TBC1D5: variants seen among roughly 807,000 people sequenced by gnomAD.
TBC1D5 encodes the protein TBC1 domain family, member 5.
Under a neutral mutation model 100.3 loss-of-function variants are expected in TBC1D5, and 75 were observed. The ratio of observed to expected loss-of-function variants is 0.75; its 90% confidence interval spans 0.62 to 0.91. The LOEUF is 0.91. Ranked by LOEUF, TBC1D5 falls within the 40% of genes least tolerant of loss-of-function variation. TBC1D5 has a pLI of 0.00. For synonymous variants in TBC1D5, 323 were observed against 325.6 expected (o/e 0.99, Z 0.09); for missense variants, 910 against 942.4 (o/e 0.97, Z 0.45).
rs114913498 is a variant in TBC1D5 at position 17,471,095 on chromosome 3, G to C, written c.97+37379C>G. 4.4e-3 allele frequency among the ~76,000 whole-genome samples: 667 copies of C among 152,230 alleles called. 1 individual carries two copies. Among genetic ancestry groups the C allele is most frequent in the African/African-American group, 0.015 (632 of 41,524 alleles). ...CACTATCACTCCAGTGAGAACATTA[G>C]AACATGAAGCCTAAAACCACTTTTC... is the stretch of plus-strand genomic sequence containing the variant. On this transcript the variant is annotated intron_variant, in intron 3 of 21. Transcript: ENST00000253692.
chr3:17,571,767 C>T (rs1249984270), intron 2 of TBC1D5, among the ~76,000 whole-genome samples: 16 of 152,014 alleles, frequency 1.1e-4, no homozygotes, highest in Admixed American at 9.2e-4. Flanking sequence ...AACTAAAACA[C>T]ATACATCCAC....
chr3:17,626,045 A>G (rs929631193), intron 1 of TBC1D5, among the ~76,000 whole-genome samples: 1 of 152,170 alleles, frequency 6.6e-6, no homozygotes, highest in Non-Finnish European at 1.5e-5. Flanking sequence ...CCAGATATAT[A>G]GCATTATGTG....
intron 12 of TBC1D5, among the ~76,000 whole-genome samples, chr3:17,374,093 A>G (rs930223132): frequency 5.9e-5 from 9 of 152,134 alleles, no homozygotes; most frequent in Non-Finnish European, 1.2e-4. Flanking sequence ...GTATGAATTC[A>G]ATAGCAACGC....
chr3:17,444,616 T>C (rs1207897396), intron 3 of TBC1D5, among the ~76,000 whole-genome samples: 1 of 151,970 alleles, frequency 6.6e-6, no homozygotes, highest in African/African-American at 2.4e-5. Flanking sequence ...AATTGGTTGA[T>C]CAAAAAGTAT....
Position 17,164,305 on chromosome 3 carries a change from C to T in TBC1D5, c.2094+2462G>A, listed in dbSNP as rs79417448. Reference sequence around the variant, plus strand: ...GTGTCACTAGGCAGGGGAGCCTGGCCCTTCTGCACTATCTTTTAGACATTA... The same window carrying T: ...GTGTCACTAGGCAGGGGAGCCTGGCTCTTCTGCACTATCTTTTAGACATTA... On this transcript the variant is annotated intron_variant, in intron 21 of 21. Coordinates refer to ENST00000253692, the Ensembl canonical transcript of TBC1D5. Among the ~76,000 whole-genome samples the T allele has an allele frequency of 3.2e-3, 481 of 152,298 alleles. 2 individuals are homozygous for T. Among genetic ancestry groups the T allele is most frequent in the African/African-American group, 0.011 (461 of 41,550 alleles).
chr3:17,693,746 G>A (rs747622706), intron 1 of TBC1D5, among the ~76,000 whole-genome samples: 13 of 152,342 alleles, frequency 8.5e-5, no homozygotes, highest in Admixed American at 2.0e-4. Context: ...CCAACACAGC[G>A]TTTGAGCTCT....
chr3:17,449,110 C>A (rs1389092976), intron 3 of TBC1D5, among the ~76,000 whole-genome samples: 1 of 152,176 alleles, frequency 6.6e-6, no homozygotes, highest in Non-Finnish European at 1.5e-5. Context: ...CATGGGGCAC[C>A]ACCTCACCTG....
Position 17,508,537 on chromosome 3 carries a change from G to A in TBC1D5, c.34C>T (p.Leu12=), listed in dbSNP as rs2095867940. 4.3e-6 allele frequency: 7 copies of A among 1,613,744 alleles called. No homozygotes were observed. The East Asian group carries it at 1.6e-4, about 36-fold the overall frequency. The change falls in exon 3 of 22, where the codon CTG becomes TTG. Residue 12 remains leucine, a synonymous_variant. Coordinates refer to ENST00000253692, the Ensembl canonical transcript of TBC1D5. ...CCTACTTCTTGTTCTTCTGGCTGCA[G>A]AGGATGTCTAGTTTCAGATAAGGAA...
intron 15 of TBC1D5, among the ~76,000 whole-genome samples, chr3:17,288,005 T>C (rs964036522): frequency 1.3e-5 from 2 of 152,230 alleles, no homozygotes; most frequent in African/African-American, 2.4e-5. Context: ...GAGAATTGTA[T>C]GTTTATATAC....
intron 2 of TBC1D5, among the ~76,000 whole-genome samples, chr3:17,602,616 A>G (rs949886939): frequency 2.1e-4 from 23 of 111,214 alleles, no homozygotes; most frequent in African/African-American, 8.2e-4. Flanking sequence ...TCTGTTGCCC[A>G]GGCTGGAGTG....
intron 2 of TBC1D5, among the ~76,000 whole-genome samples, chr3:17,531,126 T>C (rs889363120): frequency 6.6e-6 from 1 of 152,202 alleles, no homozygotes; most frequent in Admixed American, 6.5e-5. Flanking sequence ...GATAAGCAAC[T>C]TCAGGGAAGT....
intron 16 of TBC1D5, among the ~76,000 whole-genome samples, chr3:17,255,755 T>G (rs2077585443): frequency 6.6e-6 from 1 of 152,118 alleles, no homozygotes; most frequent in African/African-American, 2.4e-5. Context: ...AAATAAGATT[T>G]AGGCCGGGCG....
chr3:17,661,310 T>C (rs950338657), intron 1 of TBC1D5, among the ~76,000 whole-genome samples: 2 of 152,140 alleles, frequency 1.3e-5, no homozygotes, highest in Non-Finnish European at 2.9e-5. Context: ...CACAGAATCT[T>C]CGAAGTATAT....
chr3:17,258,744 A>G (rs924875894), intron 15 of TBC1D5, among the ~76,000 whole-genome samples, 153 bp from the exon 16 acceptor site: 2 of 152,192 alleles, frequency 1.3e-5, no homozygotes, highest in African/African-American at 4.8e-5. Flanking sequence ...CTTTTATTAA[A>G]TTATTCCTTA....
chr3:17,316,011 G>A (rs189592614), intron 13 of TBC1D5, among the ~76,000 whole-genome samples: 2 of 152,292 alleles, frequency 1.3e-5, no homozygotes, highest in Non-Finnish European at 2.9e-5. Context: ...AAATAGGGAA[G>A]TTAGCAGCGA....
chr3:17,160,910 T>TG, exon 22 of TBC1D5: 1 of 1,568,394 alleles, frequency 6.4e-7, no homozygotes, highest in East Asian at 2.3e-5. Flanking sequence ...AGTCTGGCCT[T>TG]GGGGCCACTG....
At chr3:17,366,155 G>A (rs2092113722) in intron 13 of TBC1D5, among the ~76,000 whole-genome samples, 1 of 152,010 alleles carries the variant, frequency 6.6e-6, no homozygotes, top group Non-Finnish European at 1.5e-5. Flanking sequence ...GCTGGGCATG[G>A]TGACAGGTGC....
chr3:17,167,038 T>C (rs770230437), intron 20 of TBC1D5, 110 bp from the exon 22 acceptor site: 1 of 1,008,532 alleles, frequency 9.9e-7, no homozygotes, highest in African/African-American at 1.6e-5. Context: ...TCATTTTTTA[T>C]AGTATGAATA....
intron 3 of TBC1D5, among the ~76,000 whole-genome samples, chr3:17,436,408 G>A (rs941648120): frequency 6.6e-6 from 1 of 151,826 alleles, no homozygotes; most frequent in Admixed American, 6.6e-5. Context: ...TCTAGTAGAG[G>A]TATAAAAGTA....
Sources: gnomAD v4.1 joint callset for allele counts (sites outside exome capture counted in the v4.1 genomes callset) on GRCh38, gnomAD v4.1.1 for gene constraint, MANE v1.5 for transcripts, NCBI Gene and HGNC (gene_info 2026-07-23, HGNC 2026-07-21) for gene names.